EPHA6: variants seen among roughly 807,000 people sequenced by gnomAD.
The protein encoded by EPHA6 is ephrin type-A receptor 6.
In EPHA6, 50 loss-of-function variants were observed where a neutral mutation model predicts 112.0. That is an observed-to-expected ratio of 0.45 (90% confidence interval 0.36 to 0.56). The LOEUF is 0.56. Ranked by LOEUF, EPHA6 falls within the 20% of genes least tolerant of loss-of-function variation. The pLI is 0.00. For synonymous variants in EPHA6, 529 were observed against 490.7 expected (o/e 1.08, Z -1.03); for missense variants, 1,280 against 1,417.4 (o/e 0.90, Z 1.56).
chr3:97,242,404 C>T (rs1384667152), intron 4 of EPHA6, among the ~76,000 whole-genome samples: 5 of 151,990 alleles, frequency 3.3e-5, no homozygotes, highest in South Asian at 4.1e-4. Context: ...ATATTCTCCT[C>T]ACCACCTCTA....
chr3:96,852,286 G>A (rs950668517), intron 1 of EPHA6, among the ~76,000 whole-genome samples: 4 of 151,954 alleles, frequency 2.6e-5, no homozygotes, highest in African/African-American at 9.7e-5. Flanking sequence ...TTAAGGCCAG[G>A]AGTTCAAGAC....
chr3:96,851,886 C>T (rs992021812), intron 1 of EPHA6, among the ~76,000 whole-genome samples: 1 of 151,986 alleles, frequency 6.6e-6, no homozygotes, highest in Non-Finnish European at 1.5e-5. Flanking sequence ...GACGCAGAAG[C>T]GTCATGTTGG....
At chr3:97,123,272 C>T (rs55929804) in intron 3 of EPHA6, among the ~76,000 whole-genome samples, 48,143 of 151,958 alleles carry the variant, frequency 0.32, 13,639 homozygotes, top group African/African-American at 0.75. Flanking sequence ...AAAATATACA[C>T]GTGCTGCCAC....
At chr3:97,728,885 CAT>C (rs368431509) in intron 15 of EPHA6, among the ~76,000 whole-genome samples, 11 of 152,216 alleles carry the variant, frequency 7.2e-5, no homozygotes, top group African/African-American at 2.6e-4. Context: ...AACTTTTTAA[CAT>C]ATGAGAGTCC....
At chr3:97,013,629 G>C (rs1271020793) in intron 3 of EPHA6, among the ~76,000 whole-genome samples, 1 of 152,020 alleles carries the variant, frequency 6.6e-6, no homozygotes, top group African/African-American at 2.4e-5. Flanking sequence ...CTCACATGGA[G>C]GCCATAAATG....
rs372467111 is a variant in EPHA6 at position 97,662,780 on chromosome 3, C to T, written c.2784+24698C>T. On this transcript the variant is annotated intron_variant, in intron 14 of 17. Coordinates refer to ENST00000389672, the MANE Select transcript of EPHA6 (RefSeq NM_001080448.3). ...AACAAAAAAACAGATAAATAAAGTA[C>T]GCTGTATCCAAGTGACGAGCTATGT... Among the ~76,000 whole-genome samples the T allele has an allele frequency of 4.5e-4, 69 of 152,284 alleles. 1 individual carries two copies. The South Asian group carries it at 0.011, about 25-fold the overall frequency.
At chr3:97,388,746 A>G (rs905810787) in intron 5 of EPHA6, among the ~76,000 whole-genome samples, 5 of 152,124 alleles carry the variant, frequency 3.3e-5, no homozygotes, top group African/African-American at 1.2e-4. Flanking sequence ...TTTGGGGGAA[A>G]AAGATCCTCA....
chr3:97,272,297 CG>C (rs2079909373), intron 5 of EPHA6, among the ~76,000 whole-genome samples: 2 of 150,352 alleles, frequency 1.3e-5, no homozygotes, highest in African/African-American at 4.9e-5. Flanking sequence ...TATTCCATTT[CG>C]TGTGTGTGTG....
intron 5 of EPHA6, among the ~76,000 whole-genome samples, chr3:97,330,590 G>A (rs1314060099): frequency 6.6e-6 from 1 of 152,050 alleles, no homozygotes; most frequent in African/African-American, 2.4e-5. Flanking sequence ...GGCAGGGGTT[G>A]CAATCCTAGT....
At chr3:97,336,391 G>T (rs1313605271) in intron 5 of EPHA6, among the ~76,000 whole-genome samples, 1 of 152,156 alleles carries the variant, frequency 6.6e-6, no homozygotes. Flanking sequence ...GGTAGTTTCA[G>T]CTGGATGCTT....
chr3:96,980,365 T>C (rs2042713690), intron 2 of EPHA6, among the ~76,000 whole-genome samples: 1 of 152,146 alleles, frequency 6.6e-6, no homozygotes, highest in African/African-American at 2.4e-5. Flanking sequence ...TGGTTGTAGA[T>C]GTGTGGTATT....
intron 3 of EPHA6, among the ~76,000 whole-genome samples, chr3:97,059,640 T>C (rs2045955921): frequency 6.6e-6 from 1 of 150,910 alleles, no homozygotes; most frequent in South Asian, 2.1e-4. Context: ...TTGTTGTGAA[T>C]TTTATTTTTA....
chr3:97,349,423 A>G (rs905103156), intron 5 of EPHA6, among the ~76,000 whole-genome samples: 1 of 152,082 alleles, frequency 6.6e-6, no homozygotes, highest in African/African-American at 2.4e-5. Flanking sequence ...CTCCTCACAC[A>G]TACCATTGTC....
At chr3:97,583,310 C>T (rs934075244) in intron 11 of EPHA6, among the ~76,000 whole-genome samples, 1 of 151,736 alleles carries the variant, frequency 6.6e-6, no homozygotes, top group South Asian at 2.1e-4. Context: ...GAAGCCGAGG[C>T]GGGTGTATCA....
chr3:96,972,771 T>C lies in EPHA6; in HGVS notation c.451-14559T>C, dbSNP rs1013080427. Among the ~76,000 whole-genome samples, 3 of 152,180 alleles carry C rather than the reference T, an allele frequency of 2.0e-5. No individual in the cohort carries two copies. In the South Asian group the frequency reaches 6.2e-4, roughly 31 times the overall value. ...AGGACTTATCCTTGCCATTTGAAAATATAATTAGCTTTCCAATAGTCCGTT... is the reference window on the plus strand; with the variant it reads ...AGGACTTATCCTTGCCATTTGAAAACATAATTAGCTTTCCAATAGTCCGTT... On this transcript the variant is annotated intron_variant, in intron 2 of 17. Transcript: ENST00000389672.
At chr3:97,690,225 T>G (rs2032563315) in intron 14 of EPHA6, among the ~76,000 whole-genome samples, 1 of 152,196 alleles carries the variant, frequency 6.6e-6, no homozygotes, top group Non-Finnish European at 1.5e-5. Context: ...TGCTAAATTG[T>G]TTTCCAAAGT....
At chr3:97,506,084 CTCTT>C (rs2092245042) in intron 10 of EPHA6, among the ~76,000 whole-genome samples, 1 of 152,098 alleles carries the variant, frequency 6.6e-6, no homozygotes, top group Non-Finnish European at 1.5e-5. Context: ...TGGATATTAG[CTCTT>C]TGTCAGATGG....
chr3:97,061,874 T>G (rs969406306), intron 3 of EPHA6, among the ~76,000 whole-genome samples: 3 of 152,144 alleles, frequency 2.0e-5, no homozygotes, highest in Non-Finnish European at 4.4e-5. Flanking sequence ...AGGCATACTA[T>G]TTACCTTCAA....
intron 14 of EPHA6, among the ~76,000 whole-genome samples, chr3:97,667,934 C>T (rs930944426): frequency 6.6e-6 from 1 of 152,198 alleles, no homozygotes; most frequent in Non-Finnish European, 1.5e-5. Flanking sequence ...ACAGTAAATA[C>T]CCTTGCCTTA....
Sources: gnomAD v4.1 joint callset for allele counts (sites outside exome capture counted in the v4.1 genomes callset) on GRCh38, gnomAD v4.1.1 for gene constraint, MANE v1.5 for transcripts, NCBI Gene and HGNC (gene_info 2026-07-23, HGNC 2026-07-21) for gene names.